DOP1A: variants seen among roughly 807,000 people sequenced by gnomAD.
DOP1A encodes protein DOP1A.
Under a neutral mutation model 267.6 loss-of-function variants are expected in DOP1A, and 90 were observed. The observed-to-expected ratio is 0.34, with a 90% CI of 0.28 to 0.40. DOP1A has a LOEUF of 0.40. DOP1A is among the 10% of genes least tolerant of loss of function. DOP1A has a pLI of 1.00. For missense variants in DOP1A, 2,437 were observed against 2,900.4 expected (o/e 0.84, Z 3.67); for synonymous variants, 932 against 999.1 (o/e 0.93, Z 1.27).
At chr6:83,114,240 A>G (rs893944672) in intron 7 of DOP1A, among the ~76,000 whole-genome samples, 2 of 152,082 alleles carry the variant, frequency 1.3e-5, no homozygotes, top group Non-Finnish European at 2.9e-5. Context: ...TTAATAACTA[A>G]ATAATTCTAC....
intron 1 of DOP1A, among the ~76,000 whole-genome samples, chr6:83,078,253 T>C (rs1299957597): frequency 2.6e-5 from 4 of 152,208 alleles, no homozygotes; most frequent in Non-Finnish European, 4.4e-5. Flanking sequence ...TTGCATTTCA[T>C]GTCTAAGAAA....
rs367853143 is a variant in DOP1A, at chr6:83,132,216, C to T, written c.2657C>T (p.Thr886Ile). The T allele has an allele frequency of 1.2e-6, 2 of 1,612,510 alleles. No individual in the cohort carries two copies. The highest frequency in any genetic ancestry group is 2.7e-5 in the African/African-American group (2 of 74,862). ...TTGTGGGACCAGTTGGGAGATGGGA[C>T]ACCTCAGCATCACCAGAAGAGTGTG... ...LTLWDQLGDG[T>I]PQHHQKSVEL... Residue 886 changes from threonine to isoleucine, a missense_variant, in exon 18 of 39, where the codon ACA (threonine) becomes ATA (isoleucine). Physicochemically the swap from Thr to Ile is moderately conservative, Grantham distance 89 (BLOSUM62 -1). Around this residue, in one of 9 missense-constraint regions of DOP1A, gnomAD observed 878 missense variants for 992.9 expected, o/e 0.88. Transcript: ENST00000349129.
In DOP1A at chr6:83,118,891, A is replaced by G; in HGVS notation, c.784A>G (p.Thr262Ala). 6.2e-7 allele frequency: 1 copy of G among 1,613,426 alleles called. No individual in the cohort carries two copies. The highest frequency in any genetic ancestry group is 8.5e-7 in the Non-Finnish European group (1 of 1,179,526). Residue 262 changes from threonine to alanine, a missense_variant, in exon 8 of 39, where the codon ACT (threonine) becomes GCT (alanine). Physicochemically the swap from Thr to Ala is moderately conservative, Grantham distance 58. This residue lies in a region of DOP1A where 251 missense variants were observed against 359.1 expected (regional missense o/e 0.70). Coordinates refer to ENST00000349129, the MANE Select transcript of DOP1A (RefSeq NM_015018.4). Reference protein sequence around the residue: ...FCFPFHMSQATRPDMIRILSA... With the variant: ...FCFPFHMSQAARPDMIRILSA... Reference sequence around the variant, plus strand: ...ACCATATTCCTAACTCTTTCAGGCCACTCGACCGGATATGATCAGGATCTT... The same window carrying G: ...ACCATATTCCTAACTCTTTCAGGCCGCTCGACCGGATATGATCAGGATCTT...
intron 23 of DOP1A, 105 bp downstream of exon 23, chr6:83,140,508 G>A (rs1042360885): frequency 2.2e-6 from 2 of 928,770 alleles, no homozygotes; most frequent in African/African-American, 1.7e-5. Context: ...ACAGGACTCT[G>A]CTAATTATCA....
chr6:83,072,755 C>T (rs535805354), intron 1 of DOP1A, among the ~76,000 whole-genome samples: 1 of 152,296 alleles, frequency 6.6e-6, no homozygotes, highest in South Asian at 2.1e-4. Context: ...AAAGTATCAG[C>T]TACCTGAAAC....
intron 1 of DOP1A, among the ~76,000 whole-genome samples, chr6:83,091,797 A>G (rs1224508335): frequency 1.3e-5 from 2 of 152,210 alleles, no homozygotes; most frequent in Non-Finnish European, 2.9e-5. Flanking sequence ...AAATCTTGCT[A>G]AGGAAGGAAA....
chr6:83,105,468 A>G (rs2128156342), intron 4 of DOP1A, among the ~76,000 whole-genome samples: 1 of 146,426 alleles, frequency 6.8e-6, no homozygotes, highest in Non-Finnish European at 1.5e-5. Flanking sequence ...AGGTTCAAGC[A>G]ATTCTCCTTT....
At chr6:83,167,352 A>G in intron 38 of DOP1A, 1 of 985,454 alleles carries the variant, frequency 1.0e-6, no homozygotes, top group Non-Finnish European at 1.2e-6. Context: ...TGCAGTACTG[A>G]CAGTAATTAT....
intron 38 of DOP1A, chr6:83,165,008 C>T (rs1293637747): frequency 9.8e-6 from 3 of 306,930 alleles, no homozygotes; most frequent in Non-Finnish European, 1.8e-5. Flanking sequence ...AAAGGCTCAT[C>T]TTGATAGGAA....
At chr6:83,104,169 T>C (rs143144157) in intron 4 of DOP1A, among the ~76,000 whole-genome samples, 2 of 152,334 alleles carry the variant, frequency 1.3e-5, no homozygotes, top group African/African-American at 4.8e-5. Flanking sequence ...TCAGACACTT[T>C]GTCAAGTTCA....
intron 7 of DOP1A, 40 bp from the exon 8 acceptor site, chr6:83,118,848 T>C: frequency 4.5e-6 from 7 of 1,555,868 alleles, no homozygotes; most frequent in Non-Finnish European, 6.2e-6. Context: ...TAATATATAT[T>C]GTATATTGCT....
chr6:83,099,227 C>T (rs1772085603), intron 3 of DOP1A, among the ~76,000 whole-genome samples: 1 of 152,140 alleles, frequency 6.6e-6, no homozygotes, highest in African/African-American at 2.4e-5. Context: ...AGTTTTCAAC[C>T]TGATACGACA....
intron 1 of DOP1A, among the ~76,000 whole-genome samples, chr6:83,068,503 C>G (rs1466350467): frequency 6.6e-6 from 1 of 152,096 alleles, no homozygotes; most frequent in African/African-American, 2.4e-5. Context: ...TCTTAGAGTT[C>G]TATGGCGTTT....
chr6:83,093,550 T>G (rs80336835), intron 1 of DOP1A, among the ~76,000 whole-genome samples: 3,514 of 152,318 alleles, frequency 0.023, 130 homozygotes, highest in African/African-American at 0.08. Flanking sequence ...ATGTAAGACA[T>G]GTAAATTTCA....
intron 38 of DOP1A, among the ~76,000 whole-genome samples, chr6:83,163,569 AT>A (rs1784741483): frequency 6.6e-6 from 1 of 152,134 alleles, no homozygotes. Context: ...TTTTCTAAGT[AT>A]TTTTCACTTT....
At chr6:83,166,655 A>G in intron 38 of DOP1A, 2 of 1,236,560 alleles carry the variant, frequency 1.6e-6, no homozygotes, top group Non-Finnish European at 2.1e-6. Context: ...TCAACAATGC[A>G]AAAACCGCAA....
intron 26 of DOP1A, 130 bp from the exon 27 acceptor site, chr6:83,148,629 C>T (rs1780997826): frequency 1.8e-6 from 1 of 557,044 alleles, no homozygotes; most frequent in Non-Finnish European, 3.1e-6. Context: ...TACTAATTAA[C>T]GTTAGTAAAA....
intron 1 of DOP1A, among the ~76,000 whole-genome samples, chr6:83,095,208 C>T (rs1293095726): frequency 6.6e-6 from 1 of 152,212 alleles, no homozygotes; most frequent in African/African-American, 2.4e-5. Flanking sequence ...GCTAGGATTA[C>T]AGGCGTGAGC....
intron 1 of DOP1A, among the ~76,000 whole-genome samples, chr6:83,080,568 G>A (rs1187111275): frequency 6.6e-6 from 1 of 152,138 alleles, no homozygotes; most frequent in Non-Finnish European, 1.5e-5. Context: ...TGCTAATCCA[G>A]CAAGAATCCT....
Sources: gnomAD v4.1 joint callset for allele counts (sites outside exome capture counted in the v4.1 genomes callset) on GRCh38, gnomAD v4.1.1 for gene constraint, gnomAD v4.1.1 regional missense constraint, MANE v1.5 for transcripts, NCBI Gene and HGNC (gene_info 2026-07-23, HGNC 2026-07-21) for gene names.